DCDC2C: variants seen among roughly 807,000 people sequenced by gnomAD.
DCDC2C encodes the protein doublecortin domain-containing protein 2C.
DCDC2C carries 44 observed loss-of-function variants against 45.0 expected under a neutral mutation model. That is an observed-to-expected ratio of 0.98 (90% CI 0.77 to 1.26). The LOEUF (loss-of-function observed/expected upper bound fraction) is 1.26, where lower values mean the gene tolerates loss of function less well. DCDC2C is among the 50% of genes most tolerant of loss of function. The pLI is 0.00. For missense variants in DCDC2C, 447 were observed against 468.9 expected, an observed-to-expected ratio of 0.95 and a Z score of 0.43; for synonymous variants, 187 against 178.8, an observed-to-expected ratio of 1.05 and a Z score of -0.37.
In DCDC2C at chr2:3,742,084, CG is replaced by C. The variant is rs1295672893; in HGVS notation, c.545+38del. On this transcript the variant is annotated intron_variant, in intron 4 of 10. Coordinates refer to ENST00000399143, the MANE Select transcript of DCDC2C (RefSeq NM_001287444.2). ...TCTCGCCTTTAGGACAGCCAGGGGG[CG>C]GCAGCTTGTGTTTATTCTTTCTATG... The C allele has an allele frequency of 1.9e-5, 28 of 1,488,804 alleles. No individual in the cohort carries two copies. In the Admixed American group the frequency reaches 4.9e-4, roughly 26 times the overall value. 92.2% of individuals were successfully genotyped at this position (1,488,804 alleles called of 1,614,324 possible).
chr2:3,754,075 T>C (rs775333315), intron 5 of DCDC2C, among the ~76,000 whole-genome samples: 3 of 152,168 alleles, frequency 2.0e-5, no homozygotes, highest in African/African-American at 4.8e-5. Flanking sequence ...TATCTGTTCA[T>C]TGGGAAGCCC....
At chr2:3,749,942 GT>G (rs1309160186) in intron 4 of DCDC2C, among the ~76,000 whole-genome samples, 1 of 152,116 alleles carries the variant, frequency 6.6e-6, no homozygotes. Context: ...TTCCAGTTGA[GT>G]TTTTTCGGGT....
At chr2:3,843,244 G>A (rs1672256492) in intron 10 of DCDC2C, among the ~76,000 whole-genome samples, 1 of 152,218 alleles carries the variant, frequency 6.6e-6, no homozygotes, top group African/African-American at 2.4e-5. Context: ...ATTCCTGGGA[G>A]TGGACAAAAT....
In DCDC2C at chr2:3,783,823, CAGA is replaced by C. The variant is rs554259086; in HGVS notation, c.1024-1230_1024-1228del. Reference sequence around the variant, plus strand: ...TTCAGTGAGTCTCAAAAGGCTAAATCAGAAGAAGTAATTATCTCCAAAGCCTTA... The same window carrying C: ...TTCAGTGAGTCTCAAAAGGCTAAATCAGAAGTAATTATCTCCAAAGCCTTA... On this transcript the variant is annotated intron_variant, in intron 9 of 10. Transcript: ENST00000399143. 3.5e-4 allele frequency among the ~76,000 whole-genome samples: 54 copies of C among 152,326 alleles called. No individual in the cohort carries two copies. The South Asian group carries it at 0.011, about 32-fold the overall frequency.
At chr2:3,832,432 A>G (rs949891834) in intron 10 of DCDC2C, among the ~76,000 whole-genome samples, 1 of 152,232 alleles carries the variant, frequency 6.6e-6, no homozygotes, top group Non-Finnish European at 1.5e-5. Flanking sequence ...CCACTGCTTC[A>G]TTCTTCCTTG....
At chr2:3,736,845 T>C (rs1019667181) in intron 3 of DCDC2C, among the ~76,000 whole-genome samples, 1 of 152,202 alleles carries the variant, frequency 6.6e-6, no homozygotes, top group Admixed American at 6.5e-5. Context: ...AATCTTAGTT[T>C]AGAAAAACAC....
At chr2:3,841,043 A>G (rs574917215) in intron 10 of DCDC2C, among the ~76,000 whole-genome samples, 77 of 152,362 alleles carry the variant, frequency 5.1e-4, no homozygotes, top group African/African-American at 1.7e-3. Context: ...ACGGTGGCAC[A>G]ATCTCTCAGT....
intron 10 of DCDC2C, among the ~76,000 whole-genome samples, chr2:3,799,911 C>T (rs1282414533): frequency 6.6e-6 from 1 of 152,258 alleles, no homozygotes; most frequent in Non-Finnish European, 1.5e-5. Flanking sequence ...TCGAGCTTCC[C>T]AGATGCTTTG....
At chr2:3,841,064 G>A (rs1250282263) in intron 10 of DCDC2C, among the ~76,000 whole-genome samples, 2 of 152,248 alleles carry the variant, frequency 1.3e-5, no homozygotes, top group African/African-American at 2.4e-5. Flanking sequence ...CAACAATGCG[G>A]TTTTGGCAGA....
At chr2:3,806,619 T>G (rs1671251963) in intron 10 of DCDC2C, among the ~76,000 whole-genome samples, 1 of 151,582 alleles carries the variant, frequency 6.6e-6, no homozygotes, top group Admixed American at 6.6e-5. Context: ...CTCAGCTCAC[T>G]GCAACCTCCG....
intron 10 of DCDC2C, among the ~76,000 whole-genome samples, chr2:3,807,664 C>T (rs1671287347): frequency 6.6e-6 from 1 of 151,934 alleles, no homozygotes; most frequent in Non-Finnish European, 1.5e-5. Flanking sequence ...ATATAACTAC[C>T]AGCATAGTCA....
chr2:3,824,175 CATTG>C (rs1671761796), intron 10 of DCDC2C, among the ~76,000 whole-genome samples: 1 of 152,148 alleles, frequency 6.6e-6, no homozygotes, highest in South Asian at 2.1e-4. Context: ...TATCTGGTCC[CATTG>C]ATTGTTGTAT....
chr2:3,713,195 T>C (rs1668262322), intron 2 of DCDC2C, among the ~76,000 whole-genome samples: 1 of 152,240 alleles, frequency 6.6e-6, no homozygotes, highest in South Asian at 2.1e-4. Flanking sequence ...TTCTTCCATT[T>C]AATTCAAAGA....
chr2:3,738,370 T>C (rs1558571294), intron 3 of DCDC2C, among the ~76,000 whole-genome samples: 1 of 152,064 alleles, frequency 6.6e-6, no homozygotes, highest in Non-Finnish European at 1.5e-5. Context: ...GATAATTGTA[T>C]GTGCAACTTC....
intron 10 of DCDC2C, among the ~76,000 whole-genome samples, chr2:3,841,769 C>T (rs780463437): frequency 2.0e-5 from 3 of 152,178 alleles, no homozygotes; most frequent in Non-Finnish European, 4.4e-5. Flanking sequence ...AGAGTCGCTT[C>T]GCCCTCAGAG....
At chr2:3,718,421 TATTTTTTAGCAGG>T (rs1558561248) in intron 2 of DCDC2C, among the ~76,000 whole-genome samples, 1 of 152,204 alleles carries the variant, frequency 6.6e-6, no homozygotes, top group Non-Finnish European at 1.5e-5. Flanking sequence ...GTTCTCCTTA[TATTTTTTAGCAGG>T]GAGTGCCTCT....
rs761208364 is a variant in DCDC2C at position 3,754,605 on chromosome 2, G to A, written c.697G>A (p.Val233Ile). 36 of 1,549,572 alleles carry A rather than the reference G, an allele frequency of 2.3e-5. No individual in the cohort carries two copies. The highest frequency in any genetic ancestry group is 3.1e-5 in the Non-Finnish European group (36 of 1,146,760). Residue 233 changes from valine to isoleucine, a missense_variant, in exon 6 of 11, where the codon GTT (valine) becomes ATT (isoleucine). Physicochemically the swap from Val to Ile is conservative, Grantham distance 29 (BLOSUM62 3). Coordinates refer to ENST00000399143, the MANE Select transcript of DCDC2C (RefSeq NM_001287444.2). ...PSEVQQRYAN[V>I]EKNSQRKKKV... The stretch of plus-strand genomic sequence containing the variant: ...TTTGTCTTGCAGAAGGTATGCGAAT[G>A]TTGAAAAAAACTCACAGAGAAAGAA...
chr2:3,816,969 G>T (rs1306117396), intron 10 of DCDC2C, among the ~76,000 whole-genome samples: 1 of 152,206 alleles, frequency 6.6e-6, no homozygotes, highest in African/African-American at 2.4e-5. Flanking sequence ...CATGGAAGAG[G>T]TTACGAAATG....
chr2:3,838,767 A>G (rs1360542464), intron 10 of DCDC2C, among the ~76,000 whole-genome samples: 1 of 152,146 alleles, frequency 6.6e-6, no homozygotes, highest in African/African-American at 2.4e-5. Flanking sequence ...TCACACTCTG[A>G]AGTATGTCTT....
Sources: gnomAD v4.1 joint callset for allele counts (sites outside exome capture counted in the v4.1 genomes callset) on GRCh38, gnomAD v4.1.1 for gene constraint, MANE v1.5 for transcripts, NCBI Gene and HGNC (gene_info 2026-07-23, HGNC 2026-07-21) for gene names.